Variants in TAF5L observed in about 807,000 individuals in gnomAD.
TAF5L encodes TATA-box binding protein associated factor 5 like.
In TAF5L, 7 loss-of-function variants were observed where a neutral mutation model predicts 51.3. That is an observed-to-expected ratio of 0.14 (90% CI 0.08 to 0.26). The LOEUF is 0.26. Among genes scored for constraint, TAF5L ranks in the 10% least tolerant of loss-of-function variants. The pLI is 1.00. For missense variants in TAF5L, 575 were observed against 758.9 expected (o/e 0.76, Z 2.85); for synonymous variants, 291 against 308.1 (o/e 0.94, Z 0.58).
exon 5 of TAF5L, chr1:229,593,668 G>C (rs1664002246): frequency 6.6e-6 from 1 of 152,002 alleles, no homozygotes; most frequent in Non-Finnish European, 1.5e-5. Flanking sequence ...ATCAAAACCA[G>C]TGCCAGGAGT....
chr1:229,603,373 C>T (rs1301187420), intron 3 of TAF5L, among the ~76,000 whole-genome samples: 1 of 152,216 alleles, frequency 6.6e-6, no homozygotes, highest in Non-Finnish European at 1.5e-5. Context: ...AATCAACACA[C>T]AGTATATTCA....
At chr1:229,622,191 T>C (rs1203663401) in intron 1 of TAF5L, among the ~76,000 whole-genome samples, 1 of 152,064 alleles carries the variant, frequency 6.6e-6, no homozygotes, top group African/African-American at 2.4e-5. Context: ...AATGACTTAA[T>C]GACTGAATCT....
chr1:229,608,660 T>C (rs1434797938), intron 3 of TAF5L, among the ~76,000 whole-genome samples: 1 of 152,198 alleles, frequency 6.6e-6, no homozygotes, highest in Non-Finnish European at 1.5e-5. Flanking sequence ...AATCTCTCCA[T>C]GACAGATTTA....
At chr1:229,596,985 A>G (rs1664148468) in intron 4 of TAF5L, among the ~76,000 whole-genome samples, 1 of 152,246 alleles carries the variant, frequency 6.6e-6, no homozygotes, top group Admixed American at 6.5e-5. Flanking sequence ...GAATATTCAC[A>G]ATGGCTATTC....
At position 229,625,214 on chromosome 1, in the gene TAF5L, A is replaced by T. The variant is rs1044315438; in HGVS notation, c.-4+671T>A. Among the ~76,000 whole-genome samples, 12 of 152,256 alleles carry T rather than the reference A, an allele frequency of 7.9e-5. No homozygotes were observed. Among genetic ancestry groups the T allele is most frequent in the African/African-American group, 2.9e-4 (12 of 41,556 alleles). On this transcript the variant is annotated intron_variant, in intron 1 of 4. Transcript: ENST00000258281. The surrounding 1 kb of genome is among the most constrained non-coding windows in gnomAD (Gnocchi z 4.0). ...TCCACTCACTTCGGACCAACGCCTT[A>T]TCGAATACATTTTCAAAAGCCTGGC...
intron 3 of TAF5L, 97 bp from the exon 4 acceptor site, chr1:229,603,016 G>T (rs1380695230): frequency 1.2e-5 from 17 of 1,454,494 alleles, no homozygotes; most frequent in Non-Finnish European, 1.5e-5. Flanking sequence ...ATGCTTTCTT[G>T]CCAGGACCCC....
rs1395968969 is a variant in TAF5L at position 229,602,170 on chromosome 1, G to C, written c.972+25C>G. 1.2e-6 allele frequency: 2 copies of C among 1,600,044 alleles called. No homozygotes were observed. Among genetic ancestry groups the C allele is most frequent in the Non-Finnish European group, 1.7e-6 (2 of 1,171,270 alleles). On this transcript the variant is annotated intron_variant, in intron 4 of 4. Coordinates refer to ENST00000258281, the Ensembl canonical transcript of TAF5L. The surrounding 1 kb of genome is among the most constrained non-coding windows in gnomAD (Gnocchi z 4.6). ...TAAGGAAATTAGGAAGGCGGGTGCAGGGAAGAAAAAAATGGTATTCATACC... is the reference window on the plus strand; with the variant it reads ...TAAGGAAATTAGGAAGGCGGGTGCACGGAAGAAAAAAATGGTATTCATACC...
chr1:229,605,809 T>C (rs1664573791), intron 3 of TAF5L, among the ~76,000 whole-genome samples: 1 of 152,190 alleles, frequency 6.6e-6, no homozygotes, highest in South Asian at 2.1e-4. Context: ...CACTAACTCT[T>C]TCCTGGGTCT....
rs200436335 is a variant in TAF5L at position 229,602,763 on chromosome 1, T to A, written c.404A>T (p.Asp135Val). ...AGTGGTCTGTAGCTGCTCAATGACA[T>A]CCTTCTGGCTAGCATTCTGCAGAAA... The change falls in exon 4 of 5, where the codon GAT (aspartate) becomes GTT (valine). Residue 135 changes from aspartate to valine, a missense_variant. Physicochemically the swap from Asp to Val is radical, Grantham distance 152. This residue lies in a region of TAF5L where 380 missense variants were observed against 443.7 expected (regional missense o/e 0.86). Transcript: ENST00000258281. The surrounding 1 kb of genome is among the most constrained non-coding windows in gnomAD (Gnocchi z 4.6). The A allele has an allele frequency of 6.2e-7, 1 of 1,614,128 alleles. No individual in the cohort carries two copies. The highest frequency in any genetic ancestry group is 8.5e-7 in the Non-Finnish European group (1 of 1,180,044).
intron 1 of TAF5L, among the ~76,000 whole-genome samples, chr1:229,617,484 T>C (rs1439829357): frequency 6.6e-6 from 1 of 152,180 alleles, no homozygotes; most frequent in Non-Finnish European, 1.5e-5. Context: ...CTTTCCGGCT[T>C]CCACACTGCC....
chr1:229,624,846 G>T (rs889405597), intron 1 of TAF5L, among the ~76,000 whole-genome samples: 1 of 152,124 alleles, frequency 6.6e-6, no homozygotes, highest in African/African-American at 2.4e-5. Flanking sequence ...ACCAGGAACT[G>T]GGGCACAGCC....
chr1:229,601,068 T>TA (rs1207151835), intron 4 of TAF5L: 5 of 982,954 alleles, frequency 5.1e-6, no homozygotes, highest in Non-Finnish European at 6.0e-6. Flanking sequence ...GAGAGTACTA[T>TA]AAAATTCTAG....
At position 229,594,976 on chromosome 1, in the gene TAF5L, A is replaced by T; in HGVS notation, c.1091T>A (p.Met364Lys). The T allele has an allele frequency of 1.2e-6, 2 of 1,614,176 alleles. No homozygotes were observed. The highest frequency in any genetic ancestry group is 1.1e-5 in the South Asian group (1 of 91,078). The change falls in exon 5 of 5, where the codon ATG becomes AAG. Residue 364 changes from methionine to lysine, a missense_variant. This residue lies in a region of TAF5L where 104 missense variants were observed against 218.3 expected (regional missense o/e 0.48). Transcript: ENST00000258281. This position sits in a 1 kb window ranked among gnomAD's most constrained non-coding sequence, Gnocchi z 7.9. ...CCCCAGATCCCAGTATCTGATGGAC[A>T]TGTCTTCAGAACAAGAGAGCAACCC...
intron 1 of TAF5L, among the ~76,000 whole-genome samples, chr1:229,618,409 T>C (rs1665083671): frequency 1.3e-5 from 2 of 152,218 alleles, no homozygotes; most frequent in African/African-American, 4.8e-5. Flanking sequence ...CAAAAATTTC[T>C]GGAGGATTTT....
chr1:229,614,570 G>T (rs972185602), intron 1 of TAF5L, 85 bp from the exon 2 acceptor site: 6 of 1,534,572 alleles, frequency 3.9e-6, no homozygotes, highest in Non-Finnish European at 5.3e-6. Flanking sequence ...AGATGGGTAG[G>T]ACACATGGGA....
chr1:229,620,971 T>C (rs1164583096), intron 1 of TAF5L, among the ~76,000 whole-genome samples: 4 of 151,104 alleles, frequency 2.6e-5, no homozygotes, highest in Non-Finnish European at 5.9e-5. Flanking sequence ...TGTGTGTGTG[T>C]GTGTGTGTGT....
intron 1 of TAF5L, among the ~76,000 whole-genome samples, chr1:229,617,003 TCTCA>T (rs1297718473): frequency 3.3e-5 from 5 of 152,204 alleles, no homozygotes; most frequent in Admixed American, 2.0e-4. Context: ...TGAACTCTCT[TCTCA>T]CTATGAAATT....
intron 3 of TAF5L, among the ~76,000 whole-genome samples, chr1:229,605,824 C>T (rs1490163829): frequency 6.6e-6 from 1 of 152,194 alleles, no homozygotes; most frequent in South Asian, 2.1e-4. Context: ...GGGTCTCCAG[C>T]CTGCTGGCCC....
chr1:229,602,663 T>C lies in TAF5L; in HGVS notation c.504A>G (p.Gln168=), dbSNP rs755457140. The change falls in exon 4 of 5, where the codon CAA becomes CAG. Residue 168 remains glutamine, a synonymous_variant. Transcript: ENST00000258281. The surrounding 1 kb of genome is among the most constrained non-coding windows in gnomAD (Gnocchi z 4.6). ...GGATAAGGTAGTTGTAGCTGTCTTC[T>C]TGGAGACGGACCACGTACTTGTTAT... is the stretch of plus-strand genomic sequence containing the variant. The C allele has an allele frequency of 3.7e-6, 6 of 1,614,026 alleles. No homozygotes were observed. In the African/African-American group the frequency reaches 8.0e-5, roughly 22 times the overall value.
Sources: allele counts gnomAD v4.1 joint callset (sites outside exome capture counted in the v4.1 genomes callset), GRCh38; gene constraint gnomAD v4.1.1; regional missense constraint gnomAD v4.1.1; non-coding constraint Gnocchi (gnomAD v3.1); transcripts MANE v1.5; gene names NCBI Gene and HGNC (gene_info 2026-07-23, HGNC 2026-07-21).